Variants in CFAP99 observed in about 807,000 individuals in gnomAD.
The protein encoded by CFAP99 is cilia and flagella associated protein 99.
A neutral mutation model predicts 82.7 loss-of-function variants in CFAP99; 84 were observed. That is an observed-to-expected ratio of 1.02 (90% CI 0.85 to 1.22). The LOEUF is 1.22. Among genes scored for constraint, CFAP99 ranks in the 50% most tolerant of loss-of-function variants. CFAP99 has a pLI of 0.00. For synonymous variants in CFAP99, 456 were observed against 429.5 expected (o/e 1.06, Z -0.76); for missense variants, 1,059 against 983.5 (o/e 1.08, Z -1.03).
rs1225126723 is a variant in CFAP99, at chr4:2,462,455, G to A, written c.1674G>A (p.Lys558=). 6.8e-7 allele frequency: 1 copy of A among 1,461,994 alleles called. No individual in the cohort carries two copies. Among genetic ancestry groups the A allele is most frequent in the Non-Finnish European group, 9.0e-7 (1 of 1,117,214 alleles). The allele number at this position is 1,461,994 out of a possible 1,614,324, so 90.6% of individuals were successfully genotyped here. A position where few individuals can be genotyped will look rare whatever the true frequency, so the allele number is the denominator to read the frequency against. ...CGTCGCCCGCCAGGTGGGAGGAAAA[G>A]AAGGCCCTTGCGGCGGCCCCGGCGG... Residue 558 remains lysine (K), a synonymous_variant, in exon 15 of 15, where the codon AAG becomes AAA. Transcript: ENST00000635017. This position sits in a 1 kb window ranked among gnomAD's most constrained non-coding sequence, Gnocchi z 4.1.
exon 14 of CFAP99, chr4:2,460,191 T>C: frequency 6.5e-7 from 1 of 1,536,044 alleles, no homozygotes; most frequent in Non-Finnish European, 8.7e-7. Flanking sequence ...CAGAACATGG[T>C]GGAGCAGATC....
At position 2,418,996 on chromosome 4, in the gene CFAP99, C is replaced by A. The variant is rs1341200194; in HGVS notation, c.-115C>A. 1.3e-5 allele frequency: 2 copies of A among 152,128 alleles called. No homozygotes were observed. Among genetic ancestry groups the A allele is most frequent in the Admixed American group, 6.5e-5 (1 of 15,284 alleles). 9.4% of individuals were successfully genotyped at this position (152,128 alleles called of 1,614,324 possible). On this transcript the variant is annotated 5_prime_UTR_variant, in exon 1 of 15. Transcript: ENST00000635017. The surrounding 1 kb of genome is among the most constrained non-coding windows in gnomAD (Gnocchi z 4.6). ...GTCCTGCCTACCGGGAGCTGACGGACGACGACTGCCAACACCTTAGCCCCA... is the reference window on the plus strand; with the variant it reads ...GTCCTGCCTACCGGGAGCTGACGGAAGACGACTGCCAACACCTTAGCCCCA...
At chr4:2,422,103 A>G (rs1733596925) in intron 1 of CFAP99, among the ~76,000 whole-genome samples, 1 of 152,218 alleles carries the variant, frequency 6.6e-6, no homozygotes, top group South Asian at 2.1e-4. Flanking sequence ...AGATGCTGAA[A>G]GCAGGCGTCA....
At chr4:2,425,914 G>A (rs1056679093) in intron 1 of CFAP99, among the ~76,000 whole-genome samples, 8 of 152,000 alleles carry the variant, frequency 5.3e-5, no homozygotes, top group Non-Finnish European at 1.0e-4. Context: ...TCAGGATGGC[G>A]GCGTTGACCC....
In CFAP99 at chr4:2,448,278, G is replaced by T. The variant is rs1734217079; in HGVS notation, c.643-1392G>T. Reference sequence around the variant, plus strand: ...TGCTGCCAACTTCATCTCTCTCTCTGTCTCTGCCAAGCACAGCCCCTGCCT... The same window carrying T: ...TGCTGCCAACTTCATCTCTCTCTCTTTCTCTGCCAAGCACAGCCCCTGCCT... On this transcript the variant is annotated intron_variant, in intron 6 of 14. Coordinates refer to ENST00000635017, the Ensembl canonical transcript of CFAP99. The surrounding 1 kb of genome is among the most constrained non-coding windows in gnomAD (Gnocchi z 5.2). Among the ~76,000 whole-genome samples, 1 of 152,128 alleles carries T rather than the reference G, an allele frequency of 6.6e-6. No homozygotes were observed. The highest frequency in any genetic ancestry group is 1.5e-5 in the Non-Finnish European group (1 of 68,024).
At chr4:2,461,946 T>G (rs1398396923) in intron 14 of CFAP99, among the ~76,000 whole-genome samples, 4 of 151,766 alleles carry the variant, frequency 2.6e-5, no homozygotes, top group Non-Finnish European at 2.9e-5. Flanking sequence ...ACCCCAGTTA[T>G]GCATATAGTT....
intron 3 of CFAP99, 48 bp from the exon 4 acceptor site, chr4:2,438,021 TG>T: frequency 8.9e-7 from 1 of 1,127,528 alleles, no homozygotes; most frequent in Non-Finnish European, 1.3e-6. Context: ...GCCGTGTGCC[TG>T]GTGCCCCGTG....
At chr4:2,423,813 T>C (rs1490607942) in intron 1 of CFAP99, among the ~76,000 whole-genome samples, 4 of 150,310 alleles carry the variant, frequency 2.7e-5, no homozygotes, top group Middle Eastern at 3.4e-3. Flanking sequence ...TCTCTTCCCT[T>C]GCCCCGAATC....
chr4:2,459,919 G>A lies in CFAP99; in HGVS notation c.1456-118G>A, dbSNP rs560396225. 3.1e-4 allele frequency: 266 copies of A among 863,282 alleles called. 2 individuals carry two copies. The East Asian group carries it at 4.9e-3, about 16-fold the overall frequency. The allele number at this position is 863,282 out of a possible 1,614,324, so 53.5% of individuals were successfully genotyped here. On this transcript the variant is annotated intron_variant, in intron 13 of 14. Coordinates refer to ENST00000635017, the Ensembl canonical transcript of CFAP99. ...GCTGGGGGCATGTTTCATAAGCAGT[G>A]TTGAAGCAGAGGGAAGGTGGGCAAG... is the stretch of plus-strand genomic sequence containing the variant.
chr4:2,455,039 C>T (rs1734396046), intron 11 of CFAP99, among the ~76,000 whole-genome samples: 1 of 152,126 alleles, frequency 6.6e-6, no homozygotes, highest in Admixed American at 6.5e-5. Flanking sequence ...CCCATCTCAG[C>T]CTCCCAAGCA....
chr4:2,434,246 A>G (rs1289492684), intron 2 of CFAP99, among the ~76,000 whole-genome samples: 1 of 152,222 alleles, frequency 6.6e-6, no homozygotes, highest in Non-Finnish European at 1.5e-5. Flanking sequence ...GATTGAGTTC[A>G]GGGAGCGGGG....
intron 3 of CFAP99, among the ~76,000 whole-genome samples, chr4:2,437,561 G>A (rs530440636): frequency 6.6e-6 from 1 of 152,290 alleles, no homozygotes; most frequent in African/African-American, 2.4e-5. Context: ...AGAGGAGTGG[G>A]GCGAGCGCTG....
chr4:2,434,266 G>A (rs1474806480), intron 2 of CFAP99, among the ~76,000 whole-genome samples: 2 of 152,184 alleles, frequency 1.3e-5, no homozygotes, highest in African/African-American at 2.4e-5. Context: ...GCCAGCTGGG[G>A]TATCCGTTTG....
At chr4:2,452,657 C>A (rs183309204) in intron 11 of CFAP99, among the ~76,000 whole-genome samples, 1 of 152,168 alleles carries the variant, frequency 6.6e-6, no homozygotes, top group South Asian at 2.1e-4. Context: ...TGCAGGCCTG[C>A]GGTCAGGGAC....
intron 1 of CFAP99, among the ~76,000 whole-genome samples, chr4:2,421,344 C>A (rs1357449168): frequency 1.4e-5 from 2 of 145,146 alleles, no homozygotes; most frequent in African/African-American, 2.5e-5. Context: ...CTTTAGTCTG[C>A]CCACCCTTTT....
intron 6 of CFAP99, 105 bp from the exon 7 acceptor site, chr4:2,449,565 C>A: frequency 9.9e-7 from 1 of 1,010,668 alleles, no homozygotes; most frequent in Non-Finnish European, 1.5e-6. Context: ...GCCGCCACCA[C>A]CCTCCCCTTC....
At position 2,445,108 on chromosome 4, in the gene CFAP99, G is replaced by A. The variant is rs776769577; in HGVS notation, c.465-23G>A. ...ACAGCTTAGGGAGTGACCATAAGAGGTGTTTCCACTTTTGCCTTCAAGATG... is the reference window on the plus strand; with the variant it reads ...ACAGCTTAGGGAGTGACCATAAGAGATGTTTCCACTTTTGCCTTCAAGATG... On this transcript the variant is annotated intron_variant, in intron 5 of 14. Coordinates refer to ENST00000635017, the Ensembl canonical transcript of CFAP99. The A allele has an allele frequency of 3.3e-5, 43 of 1,322,822 alleles. 6 individuals are homozygous for A. The South Asian group carries it at 8.8e-4, about 27-fold the overall frequency. 81.9% of individuals were successfully genotyped at this position (1,322,822 alleles called of 1,614,324 possible). A position where few individuals can be genotyped will look rare whatever the true frequency, so the allele number is the denominator to read the frequency against.
At chr4:2,461,338 G>C (rs1734616498) in intron 14 of CFAP99, among the ~76,000 whole-genome samples, 1 of 152,216 alleles carries the variant, frequency 6.6e-6, no homozygotes, top group South Asian at 2.1e-4. Flanking sequence ...TCCGGAGACG[G>C]TTTCTGAGTG....
At chr4:2,436,896 G>A (rs1321511888) in exon 3 of CFAP99, 3 of 1,535,912 alleles carry the variant, frequency 2.0e-6, no homozygotes, top group East Asian at 4.9e-5. Flanking sequence ...CAGAAGCAGA[G>A]CTTTGTTTTG....
Sources: gnomAD v4.1 joint callset for allele counts (sites outside exome capture counted in the v4.1 genomes callset) on GRCh38, gnomAD v4.1.1 for gene constraint, Gnocchi (gnomAD v3.1) non-coding constraint, MANE v1.5 for transcripts, NCBI Gene and HGNC (gene_info 2026-07-23, HGNC 2026-07-21) for gene names.